Variants in MPP3 observed in about 807,000 individuals in gnomAD.
MPP3 encodes MAGUK p55 scaffold protein 3.
A neutral mutation model predicts 80.7 loss-of-function variants in MPP3; 48 were observed. That is an observed-to-expected ratio of 0.59 (90% CI 0.47 to 0.76). The LOEUF is 0.76. Ranked by LOEUF, MPP3 falls within the 30% of genes least tolerant of loss-of-function variation. The pLI, the probability that MPP3 is intolerant of heterozygous loss-of-function variation, is 0.00. For missense variants in MPP3, 620 were observed against 763.0 expected, an observed-to-expected ratio of 0.81 and a Z score of 2.21; for synonymous variants, 311 against 297.6, an observed-to-expected ratio of 1.04 and a Z score of -0.46.
At chr17:43,809,447 A>G (rs1206873016) in intron 18 of MPP3, among the ~76,000 whole-genome samples, 1 of 152,218 alleles carries the variant, frequency 6.6e-6, no homozygotes, top group East Asian at 1.9e-4. Context: ...GTGTGTATCT[A>G]TTTAGTCAAA....
At chr17:43,822,678 T>TAAAAAACAAAAAAAAAAAAAA (rs2045519245) in intron 10 of MPP3, among the ~76,000 whole-genome samples, 1 of 59,050 alleles carries the variant, frequency 1.7e-5, no homozygotes, top group Non-Finnish European at 2.8e-5. Context: ...ACTCCCATCC[T>TAAAAAACAAAAAAAAAAAAAA]AAAAAAAAAA....
intron 10 of MPP3, among the ~76,000 whole-genome samples, chr17:43,822,913 G>A (rs1487816566): frequency 6.6e-6 from 1 of 152,092 alleles, no homozygotes; most frequent in Non-Finnish European, 1.5e-5. Context: ...CAGCCTGGCA[G>A]GAGTTGGTAT....
intron 15 of MPP3, 31 bp from the exon 16 acceptor site, chr17:43,814,122 C>T (rs767313924): frequency 1.0e-5 from 16 of 1,604,018 alleles, no homozygotes; most frequent in Admixed American, 8.4e-5. Context: ...TGACCAGGGT[C>T]CCTGCTGAGC....
At chr17:43,812,647 C>G (rs533750214) in intron 16 of MPP3, among the ~76,000 whole-genome samples, 16 of 152,336 alleles carry the variant, frequency 1.1e-4, no homozygotes, top group African/African-American at 3.8e-4. Context: ...GAAGGCTTCC[C>G]TGACTCCCCC....
chr17:43,804,832 G>T (rs59345696), intron 19 of MPP3, among the ~76,000 whole-genome samples: 1 of 152,044 alleles, frequency 6.6e-6, no homozygotes, highest in Non-Finnish European at 1.5e-5. Context: ...CCTGGCCAAC[G>T]TGGTAAAACC....
chr17:43,830,041 T>C lies in MPP3; in HGVS notation c.289A>G (p.Thr97Ala). ...DERELLQLLS[T>A]PHLRAVLMVH... ...TGTGTGACTACCCTCAGGTGCGGGG[T>C]GGACAGCAGCTGGAGCAGCTCCCTC... Residue 97 changes from threonine (T) to alanine (A), a missense_variant, in exon 6 of 20, where the codon ACC becomes GCC. Physicochemically the swap from Thr to Ala is moderately conservative, Grantham distance 58. Transcript: ENST00000398389. 6.3e-7 allele frequency: 1 copy of C among 1,596,416 alleles called. No homozygotes were observed. Among genetic ancestry groups the C allele is most frequent in the African/African-American group, 1.3e-5 (1 of 74,446 alleles).
chr17:43,814,244 C>T lies in MPP3; in HGVS notation c.1127G>A (p.Arg376Lys). The T allele has an allele frequency of 2.5e-6, 4 of 1,613,674 alleles. No homozygotes were observed. Among genetic ancestry groups the T allele is most frequent in the Non-Finnish European group, 3.4e-6 (4 of 1,179,996 alleles). The change falls in exon 15 of 20, where the codon AGG (arginine) becomes AAG (lysine). Residue 376 changes from arginine to lysine, a missense_variant. Arg to Lys is a conservative substitution (Grantham distance 26). Coordinates refer to ENST00000398389, the MANE Select transcript of MPP3 (RefSeq NM_001932.6). Reference sequence around the variant, plus strand: ...CCGCTCTCCGGGCTGGTGTTGGTACCTGGCCACCTCTTCGTAAGTCAGCAG... The same window carrying T: ...CCGCTCTCCGGGCTGGTGTTGGTACTTGGCCACCTCTTCGTAAGTCAGCAG... ...PELLTYEEVA[R>K]YQHQPGERPR...
chr17:43,803,774 G>T (rs1198959872), intron 19 of MPP3, among the ~76,000 whole-genome samples: 1 of 151,404 alleles, frequency 6.6e-6, no homozygotes, highest in Non-Finnish European at 1.5e-5. Flanking sequence ...CCCTAGGTCG[G>T]AATCTCTGGG....
intron 19 of MPP3, among the ~76,000 whole-genome samples, chr17:43,802,099 C>T (rs1288996949): frequency 6.6e-6 from 1 of 152,154 alleles, no homozygotes; most frequent in Non-Finnish European, 1.5e-5. Flanking sequence ...ACTGTTCAGT[C>T]ATTCACTCAC....
chr17:43,814,419 C>G lies in MPP3; in HGVS notation c.1010-58G>C, dbSNP rs1003266495. 2.7e-5 allele frequency: 41 copies of G among 1,521,222 alleles called. No individual in the cohort carries two copies. The South Asian group carries it at 3.1e-4, about 11-fold the overall frequency. The allele number at this position is 1,521,222 out of a possible 1,614,324, so 94.2% of individuals were successfully genotyped here. A position where few individuals can be genotyped will look rare whatever the true frequency, so the allele number is the denominator to read the frequency against. On this transcript the variant is annotated intron_variant, in intron 14 of 19. Coordinates refer to ENST00000398389, the MANE Select transcript of MPP3 (RefSeq NM_001932.6). ...TTTGTCCCAGTTGTCCCAGGATCTC[C>G]CAGTAGAGACTTTTCCCACCTGGCC... is the stretch of plus-strand genomic sequence containing the variant.
intron 14 of MPP3, 145 bp from the exon 15 acceptor site, chr17:43,814,506 G>A (rs1198253698): frequency 2.8e-6 from 2 of 709,958 alleles, no homozygotes; most frequent in Admixed American, 3.2e-5. Flanking sequence ...TACTGGAAGA[G>A]GTTGTTCAGG....
chr17:43,826,391 G>C lies in MPP3; in HGVS notation c.524-550C>G, dbSNP rs912363681. Among the ~76,000 whole-genome samples, 3 of 152,188 alleles carry C rather than the reference G, an allele frequency of 2.0e-5. No homozygotes were observed. The East Asian group carries it at 5.8e-4, about 29-fold the overall frequency. ...CCGGCTGCATCAGCATCACCTGGAG[G>C]CAGGTTAAAAGTGCAGAATCTTCGG... On this transcript the variant is annotated intron_variant, in intron 8 of 19. Coordinates refer to ENST00000398389, the MANE Select transcript of MPP3 (RefSeq NM_001932.6).
intron 12 of MPP3, among the ~76,000 whole-genome samples, chr17:43,816,952 G>A (rs2045174187): frequency 6.6e-6 from 1 of 152,220 alleles, no homozygotes; most frequent in African/African-American, 2.4e-5. Context: ...CAAGGCCACT[G>A]CCCTTCTAAC....
chr17:43,829,400 A>G (rs1303439413), intron 7 of MPP3, among the ~76,000 whole-genome samples: 2 of 152,316 alleles, frequency 1.3e-5, no homozygotes, highest in South Asian at 2.1e-4. Flanking sequence ...GGCTTAAAGC[A>G]TGATCAGGGT....
chr17:43,814,802 A>G lies in MPP3; in HGVS notation c.1010-441T>C, dbSNP rs538843722. Among the ~76,000 whole-genome samples the G allele has an allele frequency of 1.4e-4, 21 of 152,350 alleles. 1 individual carries two copies. In the South Asian group the frequency reaches 4.4e-3, roughly 32 times the overall value. On this transcript the variant is annotated intron_variant, in intron 14 of 19. Transcript: ENST00000398389. ...ATACATTTTAAATTCTCAGAATTTG[A>G]TCACTGCCCTGAGAAAGTCCTTGGC...
intron 19 of MPP3, 131 bp downstream of exon 19, chr17:43,808,825 G>A (rs2044726081): frequency 9.3e-7 from 1 of 1,076,020 alleles, no homozygotes; most frequent in Non-Finnish European, 1.3e-6. Context: ...AGGCAAAATG[G>A]AAAGACAATC....
chr17:43,832,034 C>CAG (rs1374275960), intron 2 of MPP3, 91 bp from the exon 3 acceptor site: 8 of 825,086 alleles, frequency 9.7e-6, no homozygotes, highest in African/African-American at 1.7e-5. Flanking sequence ...TCTCTGAGAC[C>CAG]AGGCTGTGGA....
chr17:43,801,616 C>T lies in MPP3; in HGVS notation c.*85G>A. ...GTGGAGAATTCTCTCCCTCTCTGCG[C>T]TTGAGATTCCTTGATGGTAAAATGA... On this transcript the variant is annotated 3_prime_UTR_variant, in exon 20 of 20. Coordinates refer to ENST00000398389, the MANE Select transcript of MPP3 (RefSeq NM_001932.6). The T allele has an allele frequency of 1.5e-6, 2 of 1,326,334 alleles. No individual in the cohort carries two copies. Among genetic ancestry groups the T allele is most frequent in the Non-Finnish European group, 2.1e-6 (2 of 931,852 alleles). The allele number at this position is 1,326,334 out of a possible 1,614,324, so 82.2% of individuals were successfully genotyped here. A position where few individuals can be genotyped will look rare whatever the true frequency, so the allele number is the denominator to read the frequency against.
intron 18 of MPP3, among the ~76,000 whole-genome samples, chr17:43,809,856 G>T (rs747793667): frequency 6.6e-6 from 1 of 152,106 alleles, no homozygotes; most frequent in African/African-American, 2.4e-5. Flanking sequence ...TCCAGCCTGG[G>T]TGACAGAGCA....
Sources: gnomAD v4.1 joint callset for allele counts (sites outside exome capture counted in the v4.1 genomes callset) on GRCh38, gnomAD v4.1.1 for gene constraint, MANE v1.5 for transcripts, NCBI Gene and HGNC (gene_info 2026-07-23, HGNC 2026-07-21) for gene names.